Variants in ZNF638 observed in about 807,000 individuals in gnomAD.
ZNF638 encodes zinc finger protein 638.
ZNF638 carries 46 observed loss-of-function variants against 195.6 expected under a neutral mutation model. The ratio of observed to expected loss-of-function variants is 0.24; its 90% CI spans 0.19 to 0.30. ZNF638 has a LOEUF of 0.30. Ranked by LOEUF, ZNF638 falls within the 10% of genes least tolerant of loss-of-function variation. The pLI is 1.00. For missense variants in ZNF638, 2,440 were observed against 2,325.3 expected, an observed-to-expected ratio of 1.05 and a Z score of -1.01; for synonymous variants, 845 against 772.0, an observed-to-expected ratio of 1.09 and a Z score of -1.57.
In ZNF638 at chr2:71,338,373, A is replaced by G. The variant is rs530579976; in HGVS notation, c.-203+6498A>G. On this transcript the variant is annotated intron_variant, in intron 1 of 27. Transcript: ENST00000264447. The stretch of plus-strand genomic sequence containing the variant: ...TTAATTTATTGCTATGTATTTATGG[A>G]CTCTGTTTTTTCCAGTGTTTGATAA... Among the ~76,000 whole-genome samples, 3 of 151,730 alleles carry G rather than the reference A, an allele frequency of 2.0e-5. No individual in the cohort carries two copies. The South Asian group carries it at 6.2e-4, about 32-fold the overall frequency.
chr2:71,434,508 G>C (rs1018663676), intron 27 of ZNF638, among the ~76,000 whole-genome samples: 68 of 152,044 alleles, frequency 4.5e-4, no homozygotes, highest in African/African-American at 1.6e-3. Context: ...TTGTATAAAA[G>C]ATTCTATCTG....
Position 71,349,137 on chromosome 2 carries a change from T to C in ZNF638, c.183T>C (p.Tyr61=), listed in dbSNP as rs767009161. ...ACAGATTTGCTGGCCATGAATCTTA[T>C]CAGAACATGGGGCCACAGAGAATGA... ...IPHRFAGHES[Y]QNMGPQRMNV... Residue 61 remains tyrosine, a synonymous_variant, in exon 2 of 28, where the codon TAT becomes TAC. Transcript: ENST00000264447. 3.7e-5 allele frequency: 59 copies of C among 1,613,994 alleles called. No individual in the cohort carries two copies. Among genetic ancestry groups the C allele is most frequent in the Non-Finnish European group, 4.7e-5 (55 of 1,180,026 alleles).
chr2:71,401,809 G>C (rs2080012149), intron 15 of ZNF638, 147 bp from the exon 16 acceptor site: 1 of 615,516 alleles, frequency 1.6e-6, no homozygotes, highest in Admixed American at 3.7e-5. Context: ...TTTTTAATTT[G>C]AGGTTCAGAC....
intron 1 of ZNF638, among the ~76,000 whole-genome samples, chr2:71,339,157 T>G (rs1454118469): frequency 7.3e-6 from 1 of 136,822 alleles, no homozygotes. Flanking sequence ...TAGGTTTTTT[T>G]TTTTTTTTTT....
chr2:71,363,944 C>CG lies in ZNF638; in HGVS notation c.1419-10_1419-9insG. ...GCTGATCACTTTCTTTTCCGCCCCCCTGCTTGTAGAAATGAGGGCAATAGA... is the reference window on the plus strand; with the variant it reads ...GCTGATCACTTTCTTTTCCGCCCCCCGTGCTTGTAGAAATGAGGGCAATAGA... On this transcript the variant is annotated splice_polypyrimidine_tract_variant and intron_variant, in intron 4 of 27. Transcript: ENST00000264447. 1 of 1,600,226 alleles carries CG rather than the reference C, an allele frequency of 6.2e-7. No homozygotes were observed. Among genetic ancestry groups the CG allele is most frequent in the Non-Finnish European group, 8.5e-7 (1 of 1,172,790 alleles).
At chr2:71,353,394 A>G (rs968342760) in intron 2 of ZNF638, among the ~76,000 whole-genome samples, 5 of 152,204 alleles carry the variant, frequency 3.3e-5, no homozygotes, top group African/African-American at 1.2e-4. Flanking sequence ...ACGAGTAGTT[A>G]TATATTTTCA....
At chr2:71,408,384 TTC>T in intron 20 of ZNF638, 137 bp downstream of exon 20, 1 of 1,111,494 alleles carries the variant, frequency 9.0e-7, no homozygotes. Flanking sequence ...TGTTCCAATT[TTC>T]ATAGTTTATA....
At chr2:71,364,529 A>G (rs2079162977) in intron 5 of ZNF638, among the ~76,000 whole-genome samples, 3 of 152,150 alleles carry the variant, frequency 2.0e-5, no homozygotes, top group South Asian at 4.1e-4. Context: ...ATTAATTTAA[A>G]ATGTTTTTGA....
At chr2:71,392,050 A>G (rs747852756) in intron 10 of ZNF638, among the ~76,000 whole-genome samples, 1 of 152,212 alleles carries the variant, frequency 6.6e-6, no homozygotes, top group Non-Finnish European at 1.5e-5. Context: ...TAGTAAAGTC[A>G]TCTATATGGG....
At position 71,370,007 on chromosome 2, in the gene ZNF638, TA is replaced by T. The variant is rs1420257761; in HGVS notation, c.2265+4del. The T allele has an allele frequency of 3.1e-6, 5 of 1,588,354 alleles. No individual in the cohort carries two copies. Among genetic ancestry groups the T allele is most frequent in the Non-Finnish European group, 4.3e-6 (5 of 1,173,054 alleles). Reference sequence around the variant, plus strand: ...GTTCCAGGAAAGAAAAAAGCACAGGTAATCTGGATTTAGGTCTTAAATGTTT... The same window carrying T: ...GTTCCAGGAAAGAAAAAAGCACAGGTATCTGGATTTAGGTCTTAAATGTTT... On this transcript the variant is annotated splice_donor_region_variant and intron_variant, in intron 8 of 27. Transcript: ENST00000264447.
intron 15 of ZNF638, 60 bp downstream of exon 15, chr2:71,400,578 T>A: frequency 6.9e-7 from 1 of 1,451,302 alleles, no homozygotes; most frequent in Middle Eastern, 1.8e-4. Flanking sequence ...AAAAGATATT[T>A]TTCTTATAAA....
chr2:71,423,959 A>G lies in ZNF638; in HGVS notation c.4445A>G (p.Asp1482Gly), dbSNP rs955900951. The G allele has an allele frequency of 3.7e-6, 6 of 1,613,988 alleles. No homozygotes were observed. The highest frequency in any genetic ancestry group is 5.1e-6 in the Non-Finnish European group (6 of 1,180,008). ...CTGCAAGGCAAGCTTTCTAAACTGG[A>G]TTACAGAGATATAACAAAACAATCT... ...SALQGKLSKL[D>G]YRDITKQSQE... The change falls in exon 22 of 28, where the codon GAT becomes GGT. Residue 1482 changes from aspartate to glycine, a missense_variant. This residue lies in a region of ZNF638 where 1,883 missense variants were observed against 1,739.1 expected (regional missense o/e 1.08). Transcript: ENST00000264447.
At chr2:71,389,879 G>A (rs2079734838) in intron 10 of ZNF638, among the ~76,000 whole-genome samples, 1 of 152,168 alleles carries the variant, frequency 6.6e-6, no homozygotes, top group Non-Finnish European at 1.5e-5. Context: ...AAGCAATGCA[G>A]GCAGTCAGAG....
chr2:71,386,038 T>A (rs2079630971), intron 10 of ZNF638, among the ~76,000 whole-genome samples: 2 of 152,126 alleles, frequency 1.3e-5, no homozygotes, highest in Non-Finnish European at 2.9e-5. Context: ...GAACATATGA[T>A]CCTTTCCATA....
intron 2 of ZNF638, among the ~76,000 whole-genome samples, chr2:71,352,733 T>C (rs1436566600): frequency 6.6e-6 from 1 of 152,150 alleles, no homozygotes; most frequent in African/African-American, 2.4e-5. Flanking sequence ...AAGTATATTT[T>C]AGGGAGATCT....
rs1400545623 is a variant in ZNF638, at chr2:71,349,036, C to T, written c.82C>T (p.Pro28Ser). ...ACCTAACCCTTCTGGGATGAGGCCT[C>T]CAGGACCATTTATGAGGCCTGGATC... ...RAPNPSGMRP[P>S]GPFMRPGSMG... is the part of the protein sequence containing the mutation. Residue 28 changes from proline (P) to serine (S), a missense_variant, in exon 2 of 28, where the codon CCA becomes TCA. By Grantham distance (74) the Pro-to-Ser change is moderately conservative (BLOSUM62 -1). Coordinates refer to ENST00000264447, the MANE Select transcript of ZNF638 (RefSeq NM_014497.5). 1.2e-6 allele frequency: 2 copies of T among 1,614,186 alleles called. No individual in the cohort carries two copies.
At position 71,398,810 on chromosome 2, in the gene ZNF638, CTTTA is replaced by C. The variant is rs370697940; in HGVS notation, c.2500+44_2500+47del. ...GGGAGGAGAGATTTTATTGTTTATTCTTTATTTATGTTTTAAATTCGTATAATAA... is the reference window on the plus strand; with the variant it reads ...GGGAGGAGAGATTTTATTGTTTATTCTTTATGTTTTAAATTCGTATAATAA... On this transcript the variant is annotated intron_variant, in intron 12 of 27. Transcript: ENST00000264447. 7.6e-5 allele frequency: 114 copies of C among 1,500,620 alleles called. 1 individual carries two copies. Among genetic ancestry groups the C allele is most frequent in the African/African-American group, 7.0e-4 (50 of 71,388 alleles). The allele number at this position is 1,500,620 out of a possible 1,614,324, so 93.0% of individuals were successfully genotyped here. A position where few individuals can be genotyped will look rare whatever the true frequency, so the allele number is the denominator to read the frequency against.
intron 6 of ZNF638, among the ~76,000 whole-genome samples, chr2:71,367,350 C>G (rs2079218297): frequency 6.6e-6 from 1 of 151,308 alleles, no homozygotes; most frequent in Non-Finnish European, 1.5e-5. Context: ...CCTCAAGTTC[C>G]TGAGCTCAAG....
At chr2:71,398,972 T>A (rs1283097829) in intron 12 of ZNF638, among the ~76,000 whole-genome samples, 200 bp downstream of exon 12, 3 of 152,170 alleles carry the variant, frequency 2.0e-5, no homozygotes, top group African/African-American at 7.2e-5. Flanking sequence ...CACATATATA[T>A]AAAGCTATAT....
Sources: gnomAD v4.1 joint callset for allele counts (sites outside exome capture counted in the v4.1 genomes callset) on GRCh38, gnomAD v4.1.1 for gene constraint, gnomAD v4.1.1 regional missense constraint, MANE v1.5 for transcripts, NCBI Gene and HGNC (gene_info 2026-07-23, HGNC 2026-07-21) for gene names.